Variants in STRA6 observed in about 807,000 individuals in gnomAD.
STRA6 encodes signaling receptor and transporter of retinol STRA6.
STRA6 carries 48 observed loss-of-function variants against 83.6 expected under a neutral mutation model. The ratio of observed to expected loss-of-function variants is 0.57; its 90% CI spans 0.46 to 0.73. The LOEUF (loss-of-function observed/expected upper bound fraction) is 0.73, where lower values mean the gene tolerates loss of function less well. Ranked by LOEUF, STRA6 falls within the 30% of genes least tolerant of loss-of-function variation. STRA6 has a pLI of 0.00. For synonymous variants in STRA6, 353 were observed against 362.3 expected (o/e 0.97, Z 0.29); for missense variants, 760 against 838.8 (o/e 0.91, Z 1.16).
intron 7 of STRA6, chr15:74,194,498 A>G: frequency 2.1e-6 from 1 of 483,414 alleles, no homozygotes; most frequent in Non-Finnish European, 2.9e-6. Flanking sequence ...CTTCACCTCC[A>G]CCCTGAGGGA....
rs2073368179 is a variant in STRA6 at position 74,188,441 on chromosome 15, C to T, written c.1090+674G>A. On this transcript the variant is annotated intron_variant, in intron 12 of 18. Coordinates refer to ENST00000395105, the MANE Select transcript of STRA6 (RefSeq NM_022369.4). The surrounding 1 kb of genome is among the most constrained non-coding windows in gnomAD (Gnocchi z 4.5). ...ATGGAGAAGGCCCCCGCCTAGGCTT[C>T]AGGAGCCCTGCGTTCTCTTGGCTGC... Among the ~76,000 whole-genome samples, 1 of 152,256 alleles carries T rather than the reference C, an allele frequency of 6.6e-6. No individual in the cohort carries two copies. Among genetic ancestry groups the T allele is most frequent in the African/African-American group, 2.4e-5 (1 of 41,478 alleles).
At position 74,186,503 on chromosome 15, in the gene STRA6, G is replaced by A. The variant is rs112392215; in HGVS notation, c.1091-1448C>T. On this transcript the variant is annotated intron_variant, in intron 12 of 18. Coordinates refer to ENST00000395105, the MANE Select transcript of STRA6 (RefSeq NM_022369.4). The stretch of plus-strand genomic sequence containing the variant: ...GGCCCCTGTAATCCCAGCTACTCGG[G>A]AGGCTGAGATGGGAGAATCACTTGA... 4.9e-4 allele frequency among the ~76,000 whole-genome samples: 74 copies of A among 152,362 alleles called. 1 individual carries two copies. Among genetic ancestry groups the A allele is most frequent in the African/African-American group, 1.8e-3 (74 of 41,592 alleles).
chr15:74,202,483 C>T, intron 1 of STRA6: 1 of 1,535,140 alleles, frequency 6.5e-7, no homozygotes, highest in Non-Finnish European at 8.7e-7. Context: ...GGGAAGAGGA[C>T]AGGGCCTCTC....
chr15:74,200,113 G>A (rs769837556), intron 2 of STRA6, among the ~76,000 whole-genome samples: 3 of 152,152 alleles, frequency 2.0e-5, no homozygotes, highest in Non-Finnish European at 2.9e-5. Context: ...CCAGCTACTC[G>A]GGAGGCTGAG....
chr15:74,196,176 G>C (rs1217310237), intron 4 of STRA6, 29 bp from the exon 5 acceptor site: 1 of 1,612,236 alleles, frequency 6.2e-7, no homozygotes, highest in South Asian at 1.1e-5. Context: ...CAGGGCAGGA[G>C]GGAGTTGCTC....
In STRA6 at chr15:74,196,632, T is replaced by G. The variant is rs1252863010; in HGVS notation, c.267-485A>C. ...GCTTCTGCACTGCAGCTTGCATTCA[T>G]GCTCTGAGAGGTTCATTCTCCCTCA... On this transcript the variant is annotated intron_variant, in intron 4 of 18. Transcript: ENST00000395105. 3.3e-5 allele frequency among the ~76,000 whole-genome samples: 5 copies of G among 152,182 alleles called. No individual in the cohort carries two copies. In the East Asian group the frequency reaches 9.6e-4, roughly 29 times the overall value.
upstream of STRA6, among the ~76,000 whole-genome samples, chr15:74,206,626 A>G (rs1325256263): frequency 6.6e-6 from 1 of 152,226 alleles, no homozygotes; most frequent in African/African-American, 2.4e-5. Context: ...CAGAACTGCC[A>G]AAGCCTGAGG....
chr15:74,203,374 C>T (rs1238541289), upstream of STRA6, among the ~76,000 whole-genome samples: 2 of 152,182 alleles, frequency 1.3e-5, no homozygotes, highest in East Asian at 3.9e-4. Context: ...AGGTCTGGGC[C>T]AGGGAGGAGG....
At chr15:74,202,485 G>A (rs962618026) in intron 1 of STRA6, 2 of 1,534,414 alleles carry the variant, frequency 1.3e-6, no homozygotes, top group African/African-American at 2.7e-5. Flanking sequence ...GAAGAGGACA[G>A]GGCCTCTCGT....
upstream of STRA6, among the ~76,000 whole-genome samples, chr15:74,206,271 G>T (rs535353106): frequency 2.7e-4 from 41 of 152,328 alleles, no homozygotes; most frequent in African/African-American, 9.4e-4. Context: ...GGCAGGCTGG[G>T]TTGAAGATCC....
intron 7 of STRA6, 182 bp downstream of exon 7, chr15:74,195,120 C>T (rs1368773018): frequency 2.0e-6 from 3 of 1,489,726 alleles, no homozygotes; most frequent in African/African-American, 2.8e-5. Flanking sequence ...CACCTTGTTC[C>T]CTGCCTCTCC....
chr15:74,208,272 C>T (rs997111128), intron 1 of STRA6, among the ~76,000 whole-genome samples: 1 of 152,148 alleles, frequency 6.6e-6, no homozygotes, highest in African/African-American at 2.4e-5. Flanking sequence ...AGGCTGTTAA[C>T]ATCAAGATGC....
intron 10 of STRA6, 86 bp downstream of exon 10, chr15:74,191,081 C>G (rs999371079): frequency 1.3e-6 from 2 of 1,578,028 alleles, no homozygotes; most frequent in South Asian, 2.3e-5. Context: ...TTCTGGGGAG[C>G]AGGAGCCAGT....
At chr15:74,208,700 T>C in intron 1 of STRA6, 1 of 987,062 alleles carries the variant, frequency 1.0e-6, no homozygotes, top group Non-Finnish European at 1.2e-6. Flanking sequence ...CCCTAGGCTC[T>C]GACTCCTGCT....
intron 7 of STRA6, chr15:74,194,719 T>C: frequency 8.3e-7 from 1 of 1,206,134 alleles, no homozygotes; most frequent in South Asian, 3.9e-5. Flanking sequence ...AGTATGTGCT[T>C]CAAATATGTT....
At chr15:74,193,470 G>A (rs2073650707) in intron 8 of STRA6, among the ~76,000 whole-genome samples, 1 of 152,136 alleles carries the variant, frequency 6.6e-6, no homozygotes, top group Admixed American at 6.5e-5. Context: ...CTCGGATTAG[G>A]CACAAGGCTC....
At position 74,181,279 on chromosome 15, in the gene STRA6, C is replaced by A; in HGVS notation, c.1684+16G>T. 6.2e-7 allele frequency: 1 copy of A among 1,612,252 alleles called. No individual in the cohort carries two copies. Among genetic ancestry groups the A allele is most frequent in the Non-Finnish European group, 8.5e-7 (1 of 1,179,744 alleles). On this transcript the variant is annotated intron_variant, in intron 17 of 18. Transcript: ENST00000395105. Reference sequence around the variant, plus strand: ...GGTAGCCTGAGCAATCCTCCAGCCCCGCCCAGTGACCTTACCGGGGTCGAG... The same window carrying A: ...GGTAGCCTGAGCAATCCTCCAGCCCAGCCCAGTGACCTTACCGGGGTCGAG...
chr15:74,182,421 G>A lies in STRA6; in HGVS notation c.1340C>T (p.Thr447Met), dbSNP rs531103181. The A allele has an allele frequency of 9.9e-6, 16 of 1,612,058 alleles. No individual in the cohort carries two copies. Among genetic ancestry groups the A allele is most frequent in the East Asian group, 2.2e-5 (1 of 44,822 alleles). ...CATGAGCACCAGGAAGGCCAGGGCC[G>A]TGGTTCCCAGGAAGAAGATGATCTG... is the stretch of plus-strand genomic sequence containing the variant. ...VQQIIFFLGT[T>M]ALAFLVLMPV... The change falls in exon 15 of 19, where the codon ACG becomes ATG. Residue 447 changes from threonine to methionine, a missense_variant. Physicochemically the swap from Thr to Met is moderately conservative, Grantham distance 81. Coordinates refer to ENST00000395105, the MANE Select transcript of STRA6 (RefSeq NM_022369.4).
At chr15:74,184,524 C>T (rs747762586) in intron 13 of STRA6, among the ~76,000 whole-genome samples, 1 of 152,174 alleles carries the variant, frequency 6.6e-6, no homozygotes, top group Non-Finnish European at 1.5e-5. Flanking sequence ...ATGGCGAGAC[C>T]CGTACCACCT....
Sources: gnomAD v4.1 joint callset for allele counts (sites outside exome capture counted in the v4.1 genomes callset) on GRCh38, gnomAD v4.1.1 for gene constraint, Gnocchi (gnomAD v3.1) non-coding constraint, MANE v1.5 for transcripts, NCBI Gene and HGNC (gene_info 2026-07-23, HGNC 2026-07-21) for gene names.